GPHN: variants seen among roughly 807,000 people sequenced by gnomAD.
GPHN encodes gephyrin.
Under a neutral mutation model 95.5 loss-of-function variants are expected in GPHN, and 17 were observed. That is an observed-to-expected ratio of 0.18 (90% confidence interval 0.12 to 0.27). The LOEUF (loss-of-function observed/expected upper bound fraction) is 0.27, where lower values mean the gene tolerates loss of function less well. GPHN is among the 10% of genes least tolerant of loss of function. The pLI, the probability that GPHN is intolerant of heterozygous loss-of-function variation, is 1.00. For missense variants in GPHN, 660 were observed against 978.1 expected, an observed-to-expected ratio of 0.67 and a Z score of 4.34; for synonymous variants, 320 against 322.5, an observed-to-expected ratio of 0.99 and a Z score of 0.08.
chr14:67,619,702 G>C, the GPHN span: 4 of 349,582 alleles, frequency 1.1e-5, no homozygotes, highest in Non-Finnish European at 2.1e-5. Flanking sequence ...TCTGGCGTCA[G>C]CGGCAGGGGC....
chr14:67,201,289 G>C, the GPHN span: 3 of 349,090 alleles, frequency 8.6e-6, no homozygotes, highest in South Asian at 2.3e-5. Context: ...ACAAGACTTT[G>C]TCTCTAAAAA....
the GPHN span, among the ~76,000 whole-genome samples, chr14:67,417,191 CA>C: frequency 6.6e-6 from 1 of 152,184 alleles, no homozygotes; most frequent in African/African-American, 2.4e-5. Flanking sequence ...CTATGCCACC[CA>C]TGTTACTGAT....
At chr14:66,607,172 TTA>T (rs2062574746) in intron 1 of GPHN, among the ~76,000 whole-genome samples, 1 of 152,144 alleles carries the variant, frequency 6.6e-6, no homozygotes, top group South Asian at 2.1e-4. Context: ...TTGAGGGTTT[TTA>T]TCATAAAGAG....
intron 1 of GPHN, among the ~76,000 whole-genome samples, chr14:66,665,938 C>T (rs988078307): frequency 1.3e-5 from 2 of 152,168 alleles, no homozygotes; most frequent in South Asian, 2.1e-4. Context: ...AGGATGAGTT[C>T]ACGTCCTTTG....
chr14:66,557,284 G>GATAGAAAT (rs2060047635), intron 1 of GPHN, among the ~76,000 whole-genome samples: 1 of 151,884 alleles, frequency 6.6e-6, no homozygotes, highest in African/African-American at 2.4e-5. Context: ...TAGATAGATA[G>GATAGAAAT]AATGAATTTA....
intron 9 of GPHN, among the ~76,000 whole-genome samples, chr14:66,990,846 T>C (rs1273873068): frequency 1.3e-5 from 2 of 151,178 alleles, no homozygotes; most frequent in Admixed American, 6.6e-5. Context: ...AATAGTTTAA[T>C]TTGCTAATAA....
chr14:66,632,489 C>CT (rs60856342), intron 1 of GPHN, among the ~76,000 whole-genome samples: 5,748 of 121,124 alleles, frequency 0.047, 17 homozygotes, highest in Non-Finnish European at 0.082. Context: ...ACAATACATT[C>CT]TTTTTTTTTT....
the GPHN span, chr14:67,578,705 G>A: frequency 3.1e-6 from 3 of 953,340 alleles, no homozygotes; most frequent in Non-Finnish European, 5.0e-6. This position sits in a 1 kb window ranked among gnomAD's most constrained non-coding sequence, Gnocchi z 5.0. Flanking sequence ...GATGAGAGGA[G>A]TCTAGGGCAG....
the GPHN span, among the ~76,000 whole-genome samples, chr14:67,475,162 G>A: frequency 1.2e-4 from 19 of 152,236 alleles, no homozygotes; most frequent in East Asian, 3.9e-4. Flanking sequence ...TGATCCGCCC[G>A]CCTTGGCCTC....
the GPHN span, chr14:67,374,738 T>C: frequency 2.4e-6 from 1 of 410,220 alleles, no homozygotes; most frequent in Non-Finnish European, 4.3e-6. Context: ...TTAACTTGTT[T>C]ACAGTTGGAA....
At chr14:67,484,121 A>C in the GPHN span, among the ~76,000 whole-genome samples, 1 of 152,204 alleles carries the variant, frequency 6.6e-6, no homozygotes, top group African/African-American at 2.4e-5. Context: ...TCTGTCACTC[A>C]CATCATTCCA....
At chr14:66,867,819 G>A (rs938642449) in intron 4 of GPHN, among the ~76,000 whole-genome samples, 2 of 152,066 alleles carry the variant, frequency 1.3e-5, no homozygotes, top group Non-Finnish European at 2.9e-5. Context: ...AGACCAAATG[G>A]TACATATTGT....
intron 8 of GPHN, among the ~76,000 whole-genome samples, chr14:66,954,973 C>G (rs2068387296): frequency 6.6e-6 from 1 of 152,008 alleles, no homozygotes; most frequent in Non-Finnish European, 1.5e-5. Flanking sequence ...CTCATTTGGT[C>G]TTGATGTATA....
chr14:66,991,906 T>C (rs553331914), intron 9 of GPHN, among the ~76,000 whole-genome samples: 1 of 146,838 alleles, frequency 6.8e-6, no homozygotes, highest in East Asian at 2.0e-4. Flanking sequence ...AAGAAAAACA[T>C]AGAATAAGAT....
At chr14:66,633,999 G>T (rs1360454741) in intron 1 of GPHN, among the ~76,000 whole-genome samples, 2 of 150,556 alleles carry the variant, frequency 1.3e-5, no homozygotes, top group Non-Finnish European at 3.0e-5. Flanking sequence ...TCTCATTCAG[G>T]TCATGAATTG....
chr14:66,894,432 C>T (rs1440003644), intron 5 of GPHN, among the ~76,000 whole-genome samples: 1 of 152,118 alleles, frequency 6.6e-6, no homozygotes, highest in Non-Finnish European at 1.5e-5. Flanking sequence ...TAGGCAATAC[C>T]ATTCAGGACA....
the GPHN span, among the ~76,000 whole-genome samples, chr14:67,636,858 C>CT: frequency 6.6e-6 from 1 of 152,208 alleles, no homozygotes; most frequent in Non-Finnish European, 1.5e-5. Context: ...TCAGGCTCCT[C>CT]TTGTCCTACA....
At chr14:67,486,302 G>A in the GPHN span, among the ~76,000 whole-genome samples, 1 of 152,234 alleles carries the variant, frequency 6.6e-6, no homozygotes, top group South Asian at 2.1e-4. Flanking sequence ...TTGAGACAGA[G>A]TCTTGCTCTG....
chr14:67,076,630 T>A (rs1310114048), intron 11 of GPHN, among the ~76,000 whole-genome samples: 1 of 152,164 alleles, frequency 6.6e-6, no homozygotes, highest in Non-Finnish European at 1.5e-5. Context: ...AGTGAATAGT[T>A]GTTATGTGAA....
Sources: gnomAD v4.1 joint callset for allele counts (sites outside exome capture counted in the v4.1 genomes callset) on GRCh38, gnomAD v4.1.1 for gene constraint, Gnocchi (gnomAD v3.1) non-coding constraint, MANE v1.5 for transcripts, NCBI Gene and HGNC (gene_info 2026-07-23, HGNC 2026-07-21) for gene names.